Variants in DCBLD1 observed in about 807,000 individuals in gnomAD.
DCBLD1 encodes the protein discoidin, CUB and LCCL domain-containing protein 1.
DCBLD1 carries 57 observed loss-of-function variants against 71.5 expected under a neutral mutation model. That is an observed-to-expected ratio of 0.80 (90% CI 0.64 to 0.99). DCBLD1 has a LOEUF of 0.99. Ranked by LOEUF, DCBLD1 falls within the 50% of genes least tolerant of loss-of-function variation. The pLI is 0.00. For missense variants in DCBLD1, 891 were observed against 923.5 expected (o/e 0.96, Z 0.46); for synonymous variants, 380 against 363.8 (o/e 1.04, Z -0.51).
intron 2 of DCBLD1, among the ~76,000 whole-genome samples, chr6:117,509,638 C>T (rs1777951531): frequency 6.6e-6 from 1 of 152,084 alleles, no homozygotes; most frequent in South Asian, 2.1e-4. Context: ...TCTTCTTCCT[C>T]CTCCTGAGTT....
chr6:117,567,662 T>C (rs990984357), intron 14 of DCBLD1, among the ~76,000 whole-genome samples: 6 of 152,054 alleles, frequency 3.9e-5, no homozygotes, highest in African/African-American at 1.4e-4. Flanking sequence ...ACTATATTTA[T>C]ATATTTACTA....
rs1779063940 is a variant in DCBLD1 at position 117,540,719 on chromosome 6, C to T, written c.1153C>T (p.Pro385Ser). 6.2e-7 allele frequency: 1 copy of T among 1,614,026 alleles called. No homozygotes were observed. The highest frequency in any genetic ancestry group is 1.7e-5 in the Admixed American group (1 of 59,994). The change falls in exon 10 of 15, where the codon CCT becomes TCT. Residue 385 changes from proline (P) to serine (S), a missense_variant. Transcript: ENST00000338728. ...GGACCCAGTGCAAAACAATTTCATCCCTCCCATCGTGGCCAGATATGTGCG... is the reference window on the plus strand; with the variant it reads ...GGACCCAGTGCAAAACAATTTCATCTCTCCCATCGTGGCCAGATATGTGCG... ...FRDPVQNNFI[P>S]PIVARYVRVV...
At chr6:117,554,465 G>A (rs1305630396), downstream of DCBLD1, among the ~76,000 whole-genome samples, 1 of 152,124 alleles carries the variant, frequency 6.6e-6, no homozygotes, top group Non-Finnish European at 1.5e-5. Context: ...TTCCTCCATA[G>A]GACTCCTCCC....
At chr6:117,564,145 A>C (rs1435307059) in intron 14 of DCBLD1, among the ~76,000 whole-genome samples, 1 of 151,810 alleles carries the variant, frequency 6.6e-6, no homozygotes, top group Non-Finnish European at 1.5e-5. Flanking sequence ...GTCCAGCTAT[A>C]TTTTAAAAAT....
intron 4 of DCBLD1, among the ~76,000 whole-genome samples, chr6:117,524,840 T>G (rs1205961498): frequency 1.3e-5 from 2 of 152,206 alleles, no homozygotes; most frequent in Non-Finnish European, 1.5e-5. Context: ...TATTTAAATT[T>G]GTATATGTGG....
chr6:117,562,031 A>C (rs531483614), intron 14 of DCBLD1: 252 of 206,274 alleles, frequency 1.2e-3, no homozygotes, highest in African/African-American at 5.4e-3. Flanking sequence ...TAAAACAGTG[A>C]TATTAGCAAA....
intron 11 of DCBLD1, 108 bp from the exon 12 acceptor site, chr6:117,543,016 C>T (rs984840948): frequency 3.5e-6 from 3 of 862,646 alleles, no homozygotes; most frequent in Non-Finnish European, 5.8e-6. Flanking sequence ...TCATTTTCCC[C>T]CTATATTAAA....
rs1447402858 is a variant in DCBLD1, at chr6:117,559,663, A to G, written c.1616-9957A>G. On this transcript the variant is annotated intron_variant, in intron 14 of 14. Transcript: ENST00000296955. ...CTGAAAAAGGTTCATTATTGAACAAATATTCAGCACCAACAGTGCACGGTA... is the reference window on the plus strand; with the variant it reads ...CTGAAAAAGGTTCATTATTGAACAAGTATTCAGCACCAACAGTGCACGGTA... 2.0e-5 allele frequency among the ~76,000 whole-genome samples: 3 copies of G among 152,264 alleles called. 1 individual carries two copies. Among genetic ancestry groups the G allele is most frequent in the Non-Finnish European group, 4.4e-5 (3 of 68,050 alleles).
At chr6:117,547,800 G>C (rs1176727806) in intron 14 of DCBLD1, 107 bp from the exon 15 acceptor site, 3 of 1,540,000 alleles carry the variant, frequency 1.9e-6, no homozygotes, top group South Asian at 1.2e-5. Context: ...GAGGGCACCC[G>C]GGGGGAAAGT....
intron 1 of DCBLD1, chr6:117,503,459 A>C: frequency 3.1e-6 from 1 of 322,652 alleles, no homozygotes. Context: ...CTGCTGAGCA[A>C]GTTTGGACGG....
intron 14 of DCBLD1, among the ~76,000 whole-genome samples, chr6:117,547,360 G>C (rs1010661164): frequency 5.3e-5 from 8 of 152,104 alleles, no homozygotes; most frequent in Admixed American, 1.3e-4. Flanking sequence ...CCTACCTCGG[G>C]ATTTTTTTGA....
intron 2 of DCBLD1, among the ~76,000 whole-genome samples, chr6:117,511,572 G>C (rs943735520): frequency 5.3e-5 from 8 of 152,158 alleles, no homozygotes; most frequent in Non-Finnish European, 1.2e-4. Flanking sequence ...GAGAGAAATA[G>C]GAATAGTTGG....
rs148427451 is a variant in DCBLD1 at position 117,514,551 on chromosome 6, C to A, written c.326-5265C>A. On this transcript the variant is annotated intron_variant, in intron 2 of 14. Coordinates refer to ENST00000338728, the MANE Select transcript of DCBLD1 (RefSeq NM_001366458.2). Reference sequence around the variant, plus strand: ...AGCCCAGGAGGAGCCGTGATCACGCCACTGCACTCCAACATGGGTGACAGA... The same window carrying A: ...AGCCCAGGAGGAGCCGTGATCACGCAACTGCACTCCAACATGGGTGACAGA... Among the ~76,000 whole-genome samples, 8 of 150,620 alleles carry A rather than the reference C, an allele frequency of 5.3e-5. No individual in the cohort carries two copies. The East Asian group carries it at 1.6e-3, about 30-fold the overall frequency.
intron 2 of DCBLD1, among the ~76,000 whole-genome samples, chr6:117,508,482 A>G (rs774961250): frequency 6.6e-6 from 1 of 152,180 alleles, no homozygotes; most frequent in East Asian, 1.9e-4. Context: ...ATAATGTTGT[A>G]TTTATTTATA....
intron 6 of DCBLD1, 135 bp downstream of exon 6, chr6:117,532,528 G>T (rs1778759725): frequency 2.7e-6 from 3 of 1,121,944 alleles, no homozygotes; most frequent in African/African-American, 1.6e-5. Context: ...ATGCATGAGT[G>T]CTTAGAGCAG....
intron 5 of DCBLD1, among the ~76,000 whole-genome samples, chr6:117,529,424 T>A (rs981118442): frequency 2.6e-5 from 4 of 151,992 alleles, no homozygotes; most frequent in Non-Finnish European, 1.5e-5. Flanking sequence ...CAGAGCAGAA[T>A]GTACATAGGC....
chr6:117,533,988 C>A (rs1778805981), intron 6 of DCBLD1, among the ~76,000 whole-genome samples: 1 of 152,302 alleles, frequency 6.6e-6, no homozygotes, highest in South Asian at 2.1e-4. Context: ...TTCCATCCAC[C>A]AAGGACAGCA....
rs572638409 is a variant in DCBLD1, at chr6:117,514,194, A to G, written c.326-5622A>G. On this transcript the variant is annotated intron_variant, in intron 2 of 14. Transcript: ENST00000338728. ...TCTGTCAGACCTTGAGACAGGCAAT[A>G]ATTTGGATGTTTTGCCATAGGCAAT... is the stretch of plus-strand genomic sequence containing the variant. Among the ~76,000 whole-genome samples, 42 of 152,324 alleles carry G rather than the reference A, an allele frequency of 2.8e-4. No homozygotes were observed. In the South Asian group the frequency reaches 3.9e-3, roughly 14 times the overall value.
At chr6:117,538,156 C>T (rs185547212) in intron 7 of DCBLD1, among the ~76,000 whole-genome samples, 53 of 152,246 alleles carry the variant, frequency 3.5e-4, no homozygotes, top group African/African-American at 1.2e-3. Context: ...AGTTAAGGTC[C>T]TTTGGATGAA....
Sources: allele counts gnomAD v4.1 joint callset (sites outside exome capture counted in the v4.1 genomes callset), GRCh38; gene constraint gnomAD v4.1.1; transcripts MANE v1.5; gene names NCBI Gene and HGNC (gene_info 2026-07-23, HGNC 2026-07-21).